The following NPLOC4 variants were observed in gnomAD, a reference collection of about 807,000 sequenced individuals.
The protein encoded by NPLOC4 is nuclear protein localization protein 4 homolog.
Under a neutral mutation model 80.6 loss-of-function variants are expected in NPLOC4, and 18 were observed. The ratio of observed to expected loss-of-function variants is 0.22; its 90% confidence interval spans 0.15 to 0.33. The LOEUF is 0.33. Among genes scored for constraint, NPLOC4 ranks in the 10% least tolerant of loss-of-function variants. The pLI is 1.00. For missense variants in NPLOC4, 540 were observed against 786.1 expected (o/e 0.69, Z 3.74); for synonymous variants, 313 against 301.5 (o/e 1.04, Z -0.39).
intron 12 of NPLOC4, among the ~76,000 whole-genome samples, chr17:81,582,923 GAAGA>G (rs2034482467): frequency 6.6e-6 from 1 of 152,212 alleles, no homozygotes; most frequent in African/African-American, 2.4e-5. Flanking sequence ...CTCCCGATTC[GAAGA>G]AACACACAAA....
intron 3 of NPLOC4, among the ~76,000 whole-genome samples, chr17:81,618,089 A>G (rs1368180829): frequency 6.6e-6 from 1 of 152,028 alleles, no homozygotes; most frequent in Non-Finnish European, 1.5e-5. Flanking sequence ...CCCGTCTGGG[A>G]AGTGAGGAGC....
chr17:81,610,271 CAAGGCAGAAA>C lies in NPLOC4; in HGVS notation c.387-23_387-14del. The C allele has an allele frequency of 2.6e-6, 4 of 1,566,810 alleles. No individual in the cohort carries two copies. The highest frequency in any genetic ancestry group is 3.5e-6 in the Non-Finnish European group (4 of 1,156,082). ...GCCGTGGCGGCATCTGAGGAGAGTACAAGGCAGAAAAAGGCAGAGCAGTGAGGATGTCTGT... is the reference window on the plus strand; with the variant it reads ...GCCGTGGCGGCATCTGAGGAGAGTACAAGGCAGAGCAGTGAGGATGTCTGT... On this transcript the variant is annotated splice_polypyrimidine_tract_variant and intron_variant, in intron 4 of 16. Coordinates refer to ENST00000331134, the MANE Select transcript of NPLOC4 (RefSeq NM_017921.4).
At position 81,562,937 on chromosome 17, in the gene NPLOC4, C is replaced by CA. The variant is rs953445052; in HGVS notation, c.1669+2567dup. 32 of 123,680 alleles carry CA rather than the reference C, an allele frequency of 2.6e-4. 1 individual carries two copies. The highest frequency in any genetic ancestry group is 1.6e-3 in the South Asian group (6 of 3,830). The allele number at this position is 123,680 out of a possible 1,614,324, so 7.7% of individuals were successfully genotyped here. On this transcript the variant is annotated intron_variant, in intron 16 of 16. Coordinates refer to ENST00000331134, the MANE Select transcript of NPLOC4 (RefSeq NM_017921.4). ...TGGGTGACAGAGTGAGAACCTGTCTCAAAAAAAAAAGGAGGGGGGAAAAAA... is the reference window on the plus strand; with the variant it reads ...TGGGTGACAGAGTGAGAACCTGTCTCAAAAAAAAAAAGGAGGGGGGAAAAAA...
chr17:81,636,682 G>C (rs964908674), intron 1 of NPLOC4, among the ~76,000 whole-genome samples: 2 of 152,164 alleles, frequency 1.3e-5, no homozygotes, highest in African/African-American at 4.8e-5. Flanking sequence ...GCCTTTCCCT[G>C]CCCAGGGCGG....
Position 81,604,571 on chromosome 17 carries a change from C to A in NPLOC4, c.811G>T (p.Ala271Ser), listed in dbSNP as rs773242319. ...ACCTGAGGTGGCTCATAAATCGCAG[C>A]CACTTCAGCCCTGATGCCAAGGGGA... The part of the protein sequence containing the change: ...DIPLGIRAEV[A>S]AIYEPPQIGT... Residue 271 changes from alanine to serine, a missense_variant, in exon 8 of 17, where the codon GCT (alanine) becomes TCT (serine). Transcript: ENST00000331134. The A allele has an allele frequency of 1.2e-6, 2 of 1,611,914 alleles. No individual in the cohort carries two copies. Among genetic ancestry groups the A allele is most frequent in the African/African-American group, 1.3e-5 (1 of 74,850 alleles).
chr17:81,585,042 C>T (rs567232559), intron 12 of NPLOC4, among the ~76,000 whole-genome samples: 19 of 151,834 alleles, frequency 1.3e-4, no homozygotes, highest in African/African-American at 3.6e-4. Flanking sequence ...TGGCAGCGTG[C>T]GCCTGTAGTC....
In NPLOC4 at chr17:81,591,447, G is replaced by GAAAAAAAAAAAAAAAA. The variant is rs71367067; in HGVS notation, c.1121-2359_1121-2344dup. 3.9e-5 allele frequency among the ~76,000 whole-genome samples: 3 copies of GAAAAAAAAAAAAAAAA among 76,326 alleles called. 1 individual carries two copies. The highest frequency in any genetic ancestry group is 7.2e-5 in the Non-Finnish European group (3 of 41,748). The allele number at this position is 76,326 out of a possible 152,430, so 50.1% of individuals were successfully genotyped here. On this transcript the variant is annotated intron_variant, in intron 11 of 16. Coordinates refer to ENST00000331134, the MANE Select transcript of NPLOC4 (RefSeq NM_017921.4). ...AAGACTCCATCTCTGGAGTAAAACA[G>GAAAAAAAAAAAAAAAA]AAAAAAAAAAAAAAAAAAAAAAAAA...
rs141523076 is a variant in NPLOC4 at position 81,578,333 on chromosome 17, C to T, written c.1282-6245G>A. Reference sequence around the variant, plus strand: ...CTAGTCTCAGCACTGTGAATGGCCACCTCGGCGCACCCTGCTCCCCAACAG... The same window carrying T: ...CTAGTCTCAGCACTGTGAATGGCCATCTCGGCGCACCCTGCTCCCCAACAG... On this transcript the variant is annotated intron_variant, in intron 12 of 16. Coordinates refer to ENST00000331134, the MANE Select transcript of NPLOC4 (RefSeq NM_017921.4). Among the ~76,000 whole-genome samples the T allele has an allele frequency of 1.6e-3, 249 of 152,296 alleles. 1 individual carries two copies. The highest frequency in any genetic ancestry group is 5.0e-3 in the African/African-American group (209 of 41,560).
chr17:81,632,647 A>G (rs73369302), intron 1 of NPLOC4, among the ~76,000 whole-genome samples: 7,210 of 151,902 alleles, frequency 0.047, 295 homozygotes, highest in East Asian at 0.22. Context: ...TTCTATAACT[A>G]TTTTCTGTGA....
At chr17:81,614,973 C>T (rs1023293360) in intron 3 of NPLOC4, among the ~76,000 whole-genome samples, 4 of 152,090 alleles carry the variant, frequency 2.6e-5, no homozygotes, top group African/African-American at 4.8e-5. Context: ...AAGTGCAGGC[C>T]CTCAAGGACA....
chr17:81,562,697 T>C (rs1039505343), intron 16 of NPLOC4: 2 of 151,960 alleles, frequency 1.3e-5, no homozygotes, highest in Non-Finnish European at 2.9e-5. Context: ...CACTGCAATC[T>C]CAGCACTGAG....
chr17:81,626,509 C>T (rs1441691979), intron 2 of NPLOC4, among the ~76,000 whole-genome samples: 3 of 152,038 alleles, frequency 2.0e-5, no homozygotes, highest in Non-Finnish European at 2.9e-5. Context: ...TCAACGAAGA[C>T]GAGAAGACCA....
intron 8 of NPLOC4, among the ~76,000 whole-genome samples, chr17:81,603,241 T>C (rs1483348767): frequency 6.6e-6 from 1 of 152,176 alleles, no homozygotes; most frequent in African/African-American, 2.4e-5. Flanking sequence ...AGGAAATGAA[T>C]ATACCTTGTT....
rs193146859 is a variant in NPLOC4 at position 81,567,129 on chromosome 17, G to A, written c.1566+288C>T. 9 of 382,922 alleles carry A rather than the reference G, an allele frequency of 2.4e-5. No homozygotes were observed. The East Asian group carries it at 4.7e-4, about 20-fold the overall frequency. The allele number at this position is 382,922 out of a possible 1,614,324, so 23.7% of individuals were successfully genotyped here. A position where few individuals can be genotyped will look rare whatever the true frequency, so the allele number is the denominator to read the frequency against. On this transcript the variant is annotated intron_variant, in intron 15 of 16. Transcript: ENST00000331134. The surrounding 1 kb of genome is among the most constrained non-coding windows in gnomAD (Gnocchi z 4.5). ...CTGGAGGCAGAGCTAAATCACCTCT[G>A]CTTCCCATTCGATTGTAACAGATGA...
chr17:81,623,773 G>A (rs1390983018), intron 2 of NPLOC4, among the ~76,000 whole-genome samples: 12 of 150,334 alleles, frequency 8.0e-5, no homozygotes, highest in Admixed American at 5.3e-4. Flanking sequence ...ACTCCAGCCA[G>A]GACGACAGAG....
chr17:81,609,949 C>T (rs964072687), intron 5 of NPLOC4, among the ~76,000 whole-genome samples: 1 of 152,204 alleles, frequency 6.6e-6, no homozygotes, highest in Non-Finnish European at 1.5e-5. Context: ...CCAGGGAGCC[C>T]GCTGTAAATG....
chr17:81,619,066 C>T lies in NPLOC4; in HGVS notation c.209+3100G>A, dbSNP rs2035588424. On this transcript the variant is annotated intron_variant, in intron 3 of 16. Coordinates refer to ENST00000331134, the MANE Select transcript of NPLOC4 (RefSeq NM_017921.4). ...CAAGTACCCAGGGACACAAACACTG[C>T]GGAAGGCCGCAGGGTCCTCTGCCTA... is the stretch of plus-strand genomic sequence containing the variant. Among the ~76,000 whole-genome samples, 4 of 152,190 alleles carry T rather than the reference C, an allele frequency of 2.6e-5. No individual in the cohort carries two copies. The South Asian group carries it at 6.2e-4, about 24-fold the overall frequency.
chr17:81,569,504 G>A (rs549774164), intron 13 of NPLOC4, among the ~76,000 whole-genome samples: 1 of 152,370 alleles, frequency 6.6e-6, no homozygotes, highest in South Asian at 2.1e-4. Flanking sequence ...GGAAGGGCCA[G>A]GAGGCCGCCC....
At chr17:81,620,846 C>CT (rs1192739350) in intron 3 of NPLOC4, among the ~76,000 whole-genome samples, 2 of 151,722 alleles carry the variant, frequency 1.3e-5, no homozygotes, top group Non-Finnish European at 2.9e-5. Flanking sequence ...CAGATTTAAA[C>CT]TTTTTTTTAA....
Sources: gnomAD v4.1 joint callset for allele counts (sites outside exome capture counted in the v4.1 genomes callset) on GRCh38, gnomAD v4.1.1 for gene constraint, Gnocchi (gnomAD v3.1) non-coding constraint, MANE v1.5 for transcripts, NCBI Gene and HGNC (gene_info 2026-07-23, HGNC 2026-07-21) for gene names.